Variants in LRCH3 observed in about 807,000 individuals in gnomAD.
LRCH3 encodes DISP complex protein LRCH3.
Under a neutral mutation model 104.5 loss-of-function variants are expected in LRCH3, and 68 were observed. The observed-to-expected ratio is 0.65, with a 90% CI of 0.54 to 0.80. The LOEUF (loss-of-function observed/expected upper bound fraction) is 0.80. Ranked by LOEUF, LRCH3 falls within the 30% of genes least tolerant of loss-of-function variation. The pLI is 0.00. For synonymous variants in LRCH3, 344 were observed against 361.3 expected, an observed-to-expected ratio of 0.95 and a Z score of 0.54; for missense variants, 951 against 953.9, an observed-to-expected ratio of 1.00 and a Z score of 0.04.
chr3:197,838,151 G>A (rs185774875), intron 9 of LRCH3, among the ~76,000 whole-genome samples: 13 of 152,054 alleles, frequency 8.5e-5, no homozygotes, highest in Non-Finnish European at 1.5e-4. Context: ...TTGGCCTGGT[G>A]GCTCCTTCCT....
At chr3:197,881,429 G>T (rs1034811086) in intron 20 of LRCH3, 2 of 985,422 alleles carry the variant, frequency 2.0e-6, no homozygotes, top group African/African-American at 1.7e-5. Context: ...AGATGGGCTG[G>T]AGCTGGCCTC....
intron 2 of LRCH3, 88 bp downstream of exon 2, chr3:197,815,140 A>G: frequency 1.3e-6 from 1 of 745,382 alleles, no homozygotes; most frequent in Non-Finnish European, 2.1e-6. Flanking sequence ...ACCTATATAT[A>G]TGCTATCTAT....
intron 1 of LRCH3, among the ~76,000 whole-genome samples, chr3:197,809,681 C>T (rs1732902214): frequency 6.6e-6 from 1 of 151,936 alleles, no homozygotes; most frequent in South Asian, 2.1e-4. Context: ...CTCTGCCCTC[C>T]GCTCTGCTGT....
Position 197,887,717 on chromosome 3 carries a change from T to G in LRCH3, c.*4051T>G, listed in dbSNP as rs1486056895. On this transcript the variant is annotated 3_prime_UTR_variant, in exon 21 of 21. Coordinates refer to ENST00000425562, the MANE Select transcript of LRCH3 (RefSeq NM_001365715.1). ...GAGCCCCCCAGCAGAGCCCTTCCCA[T>G]CACTGACAGTGTCTGGGGCTGAGAG... 9.9e-6 allele frequency: 1 copy of G among 100,586 alleles called. No individual in the cohort carries two copies. The highest frequency in any genetic ancestry group is 1.9e-5 in the Non-Finnish European group (1 of 52,422). 6.2% of individuals were successfully genotyped at this position (100,586 alleles called of 1,614,324 possible). A position where few individuals can be genotyped will look rare whatever the true frequency, so the allele number is the denominator to read the frequency against.
At chr3:197,805,911 A>G (rs1732428458) in intron 1 of LRCH3, among the ~76,000 whole-genome samples, 1 of 151,924 alleles carries the variant, frequency 6.6e-6, no homozygotes, top group Admixed American at 6.6e-5. Context: ...TTTCAATGTT[A>G]TGGGTTTTTT....
chr3:197,815,149 A>G, intron 2 of LRCH3, 97 bp downstream of exon 2: 1 of 672,762 alleles, frequency 1.5e-6, no homozygotes, highest in Non-Finnish European at 2.3e-6. Context: ...TATGCTATCT[A>G]TTCATATCAG....
chr3:197,854,753 T>C lies in LRCH3; in HGVS notation c.1644+308T>C, dbSNP rs190288036. Among the ~76,000 whole-genome samples, 28 of 152,324 alleles carry C rather than the reference T, an allele frequency of 1.8e-4. No individual in the cohort carries two copies. In the East Asian group the frequency reaches 5.2e-3, roughly 28 times the overall value. Reference sequence around the variant, plus strand: ...TAAATGTGTCTAATTCCAGGAGCACTTACTTTATTAATCATTAATTTGGCT... The same window carrying C: ...TAAATGTGTCTAATTCCAGGAGCACCTACTTTATTAATCATTAATTTGGCT... On this transcript the variant is annotated intron_variant, in intron 14 of 20. Coordinates refer to ENST00000425562, the MANE Select transcript of LRCH3 (RefSeq NM_001365715.1). The surrounding 1 kb of genome is among the most constrained non-coding windows in gnomAD (Gnocchi z 4.5).
At chr3:197,861,963 G>A (rs925843336) in intron 15 of LRCH3, among the ~76,000 whole-genome samples, 4 of 151,952 alleles carry the variant, frequency 2.6e-5, no homozygotes, top group Admixed American at 6.6e-5. Flanking sequence ...TTTTCATCAC[G>A]CCCAGTAGTA....
chr3:197,795,263 GGTAATAGTACTCCAA>G (rs941999991), intron 1 of LRCH3, among the ~76,000 whole-genome samples: 3 of 152,088 alleles, frequency 2.0e-5, no homozygotes, highest in Non-Finnish European at 4.4e-5. Flanking sequence ...AGTCCCTTCT[GGTAATAGTACTCCAA>G]TTTTCCTAGG....
At chr3:197,845,097 G>A (rs1442037025) in intron 10 of LRCH3, among the ~76,000 whole-genome samples, 6 of 152,160 alleles carry the variant, frequency 3.9e-5, no homozygotes. Context: ...CAATGGGTTT[G>A]ACTGGCTTTT....
At chr3:197,867,604 A>G (rs892526956) in intron 17 of LRCH3, among the ~76,000 whole-genome samples, 5 of 152,022 alleles carry the variant, frequency 3.3e-5, no homozygotes, top group Admixed American at 6.6e-5. Flanking sequence ...TTGTAATCCC[A>G]GCACTTTGGG....
At position 197,810,066 on chromosome 3, in the gene LRCH3, C is replaced by T. The variant is rs540780639; in HGVS notation, c.263-4842C>T. Reference sequence around the variant, plus strand: ...GTTGCATGGGAAGCCTGTTTTTTTCCAGTTTTTTTCTGAGATATTTGGGTG... The same window carrying T: ...GTTGCATGGGAAGCCTGTTTTTTTCTAGTTTTTTTCTGAGATATTTGGGTG... On this transcript the variant is annotated intron_variant, in intron 1 of 20. Transcript: ENST00000425562. The surrounding 1 kb of genome is among the most constrained non-coding windows in gnomAD (Gnocchi z 4.0). Among the ~76,000 whole-genome samples, 1 of 152,108 alleles carries T rather than the reference C, an allele frequency of 6.6e-6. No individual in the cohort carries two copies. Among genetic ancestry groups the T allele is most frequent in the Non-Finnish European group, 1.5e-5 (1 of 67,972 alleles).
At chr3:197,831,286 C>T (rs76694260) in intron 7 of LRCH3, 1,650 of 153,148 alleles carry the variant, frequency 0.011, 24 homozygotes, top group African/African-American at 0.032. Context: ...CTAATTCTGT[C>T]GTTTTTCTCG....
intron 9 of LRCH3, among the ~76,000 whole-genome samples, chr3:197,838,607 T>C (rs1321707169): frequency 1.3e-5 from 2 of 152,258 alleles, no homozygotes; most frequent in African/African-American, 2.4e-5. Context: ...TTTCCTTTGA[T>C]AACCTTTAAT....
At position 197,886,515 on chromosome 3, in the gene LRCH3, T is replaced by G. The variant is rs1039748836; in HGVS notation, c.*2849T>G. The stretch of plus-strand genomic sequence containing the variant: ...AGCCATGTGCATTTTTAAACTGTGT[T>G]TGTCAACATTAAGCCTCAGTACAGT... On this transcript the variant is annotated 3_prime_UTR_variant, in exon 21 of 21. Transcript: ENST00000425562. 2 of 151,920 alleles carry G rather than the reference T, an allele frequency of 1.3e-5. No homozygotes were observed. The highest frequency in any genetic ancestry group is 3.9e-4 in the East Asian group (2 of 5,192). The allele number at this position is 151,920 out of a possible 1,614,324, so 9.4% of individuals were successfully genotyped here. A position where few individuals can be genotyped will look rare whatever the true frequency, so the allele number is the denominator to read the frequency against.
At chr3:197,802,365 G>A (rs1731996964) in intron 1 of LRCH3, among the ~76,000 whole-genome samples, 1 of 152,134 alleles carries the variant, frequency 6.6e-6, no homozygotes, top group Non-Finnish European at 1.5e-5. Context: ...CACAATTTTG[G>A]AGGTTGGAAA....
chr3:197,825,538 G>A lies in LRCH3; in HGVS notation c.641-1340G>A, dbSNP rs183864235. On this transcript the variant is annotated intron_variant, in intron 4 of 20. Coordinates refer to ENST00000425562, the MANE Select transcript of LRCH3 (RefSeq NM_001365715.1). ...TCTGTCTCCCAGGCTGGAGTGCAGT[G>A]GCTCAATCTCGGCTCACTGCAAGCT... Among the ~76,000 whole-genome samples, 450 of 130,666 alleles carry A rather than the reference G, an allele frequency of 3.4e-3. 4 individuals are homozygous for A. Among genetic ancestry groups the A allele is most frequent in the African/African-American group, 0.012 (421 of 33,742 alleles). 85.7% of individuals were successfully genotyped at this position (130,666 alleles called of 152,430 possible). A position where few individuals can be genotyped will look rare whatever the true frequency, so the allele number is the denominator to read the frequency against.
intron 3 of LRCH3, 52 bp downstream of exon 3, chr3:197,817,354 GTGTGTGTATA>G: frequency 7.0e-6 from 1 of 143,166 alleles, no homozygotes; most frequent in Non-Finnish European, 8.7e-6. Flanking sequence ...GTCTGTGTGT[GTGTGTGTATA>G]TATATATATA....
intron 1 of LRCH3, among the ~76,000 whole-genome samples, chr3:197,800,726 C>A (rs1174264367): frequency 1.3e-5 from 2 of 152,234 alleles, no homozygotes; most frequent in African/African-American, 4.8e-5. Flanking sequence ...TAAGACTGTC[C>A]ATAGCATTAT....
Sources: allele counts gnomAD v4.1 joint callset (sites outside exome capture counted in the v4.1 genomes callset), GRCh38; gene constraint gnomAD v4.1.1; non-coding constraint Gnocchi (gnomAD v3.1); transcripts MANE v1.5; gene names NCBI Gene and HGNC (gene_info 2026-07-23, HGNC 2026-07-21).